The following SOAT1 variants were observed in gnomAD, a reference collection of about 807,000 sequenced individuals.
SOAT1 encodes acyl-coenzyme A:cholesterol acyltransferase 1.
SOAT1 carries 55 observed loss-of-function variants against 69.5 expected under a neutral mutation model. The ratio of observed to expected loss-of-function variants is 0.79; its 90% CI spans 0.64 to 0.99. The LOEUF is 0.99. Ranked by LOEUF, SOAT1 falls within the 50% of genes least tolerant of loss-of-function variation. The pLI is 0.00. For synonymous variants in SOAT1, 231 were observed against 224.7 expected (o/e 1.03, Z -0.25); for missense variants, 580 against 669.3 (o/e 0.87, Z 1.47).
At chr1:179,314,896 CA>C (rs1558041777) in intron 2 of SOAT1, among the ~76,000 whole-genome samples, 1 of 152,044 alleles carries the variant, frequency 6.6e-6, no homozygotes, top group Non-Finnish European at 1.5e-5. Context: ...ATAAGTATTG[CA>C]AGCCTGATTT....
Position 179,356,879 on chromosome 1 carries a change from G to C in SOAT1, c.*3238G>C, listed in dbSNP as rs1404719703. ...GTTTTTTTTTTTTTAGAGATGGGGG[G>C]GGTCTCCCTATGTTGCCCAGGCTGG... is the stretch of plus-strand genomic sequence containing the variant. On this transcript the variant is annotated 3_prime_UTR_variant, in exon 16 of 16. Coordinates refer to ENST00000367619, the MANE Select transcript of SOAT1 (RefSeq NM_003101.6). 4 of 151,234 alleles carry C rather than the reference G, an allele frequency of 2.6e-5. No homozygotes were observed. 9.4% of individuals were successfully genotyped at this position (151,234 alleles called of 1,614,324 possible). A position where few individuals can be genotyped will look rare whatever the true frequency, so the allele number is the denominator to read the frequency against.
intron 2 of SOAT1, 81 bp downstream of exon 2, chr1:179,302,883 C>A: frequency 1.4e-6 from 1 of 689,678 alleles, no homozygotes; most frequent in Non-Finnish European, 2.4e-6. Context: ...ATTGCCATCT[C>A]TTTAATTCTT....
chr1:179,349,016 G>A, intron 13 of SOAT1, 74 bp downstream of exon 13: 1 of 809,682 alleles, frequency 1.2e-6, no homozygotes, highest in Non-Finnish European at 2.1e-6. Context: ...GTATTATACA[G>A]CTGGAAGAAG....
At chr1:179,345,752 G>A (rs963542603) in intron 11 of SOAT1, among the ~76,000 whole-genome samples, 1 of 151,988 alleles carries the variant, frequency 6.6e-6, no homozygotes, top group Non-Finnish European at 1.5e-5. Flanking sequence ...GTCTCCCTAT[G>A]TTGCCCAGGC....
chr1:179,322,449 C>G (rs2124963871), intron 2 of SOAT1, among the ~76,000 whole-genome samples: 1 of 151,986 alleles, frequency 6.6e-6, no homozygotes, highest in South Asian at 2.1e-4. Flanking sequence ...GTGGCGCAAT[C>G]TCGGCTCACT....
chr1:179,333,631 C>T (rs891395864), intron 3 of SOAT1, among the ~76,000 whole-genome samples: 3 of 151,904 alleles, frequency 2.0e-5, no homozygotes, highest in Admixed American at 2.0e-4. Flanking sequence ...ACCTGAGGTT[C>T]GAGACCAGCC....
rs1210531208 is a variant in SOAT1, at chr1:179,356,335, T to A, written c.*2694T>A. ...GTGTGAGGATAAATTTGTTAGATCC[T>A]TTTATTCTCAATCTTGGATAATGAT... is the stretch of plus-strand genomic sequence containing the variant. On this transcript the variant is annotated 3_prime_UTR_variant, in exon 16 of 16. Transcript: ENST00000367619. 6.6e-6 allele frequency: 1 copy of A among 152,154 alleles called. No homozygotes were observed. The highest frequency in any genetic ancestry group is 1.5e-5 in the Non-Finnish European group (1 of 68,032). The allele number at this position is 152,154 out of a possible 1,614,324, so 9.4% of individuals were successfully genotyped here. A position where few individuals can be genotyped will look rare whatever the true frequency, so the allele number is the denominator to read the frequency against.
Position 179,353,464 on chromosome 1 carries a change from T to C in SOAT1, c.1597-121T>C, listed in dbSNP as rs1289798201. The C allele has an allele frequency of 3.0e-5, 25 of 843,630 alleles. No individual in the cohort carries two copies. In the East Asian group the frequency reaches 6.2e-4, roughly 21 times the overall value. The allele number at this position is 843,630 out of a possible 1,614,324, so 52.3% of individuals were successfully genotyped here. A position where few individuals can be genotyped will look rare whatever the true frequency, so the allele number is the denominator to read the frequency against. On this transcript the variant is annotated intron_variant, in intron 15 of 15. Coordinates refer to ENST00000367619, the MANE Select transcript of SOAT1 (RefSeq NM_003101.6). Reference sequence around the variant, plus strand: ...GAGCTGCTTATACCTTGAGGGTTGTTGAAATGGTGGGAGGCATTTTAGAGA... The same window carrying C: ...GAGCTGCTTATACCTTGAGGGTTGTCGAAATGGTGGGAGGCATTTTAGAGA...
intron 3 of SOAT1, among the ~76,000 whole-genome samples, chr1:179,326,784 C>G (rs1001882803): frequency 6.6e-6 from 1 of 151,912 alleles, no homozygotes; most frequent in African/African-American, 2.4e-5. Context: ...TCTTGGAACT[C>G]CTGGCCTCAA....
chr1:179,348,214 C>T (rs556239719), intron 12 of SOAT1, among the ~76,000 whole-genome samples: 2 of 152,324 alleles, frequency 1.3e-5, no homozygotes, highest in East Asian at 3.9e-4. Context: ...TCATAGCATT[C>T]TTTAACCCTA....
chr1:179,343,598 C>T lies in SOAT1; in HGVS notation c.950C>T (p.Thr317Ile). The change falls in exon 10 of 16, where the codon ACT (threonine) becomes ATT (isoleucine). Residue 317 changes from threonine to isoleucine, a missense_variant. Transcript: ENST00000367619. ...IYRDSYPRNPTVRWGYVAMKF... is the reference protein window; with the variant it reads ...IYRDSYPRNPIVRWGYVAMKF... Reference sequence around the variant, plus strand: ...GTTTCTTTCTTTTTCAGGAATCCCACTGTAAGATGGGGTTATGTCGCTATG... The same window carrying T: ...GTTTCTTTCTTTTTCAGGAATCCCATTGTAAGATGGGGTTATGTCGCTATG... 6.2e-7 allele frequency: 1 copy of T among 1,610,710 alleles called. No individual in the cohort carries two copies. Among genetic ancestry groups the T allele is most frequent in the Non-Finnish European group, 8.5e-7 (1 of 1,178,006 alleles).
intron 2 of SOAT1, 81 bp from the exon 3 acceptor site, chr1:179,323,356 G>T (rs1242632221): frequency 7.5e-5 from 89 of 1,193,200 alleles, no homozygotes; most frequent in Non-Finnish European, 9.9e-5. Context: ...GTATTTGTTT[G>T]TTTTCAACTT....
chr1:179,304,711 C>T (rs1399023035), intron 2 of SOAT1, among the ~76,000 whole-genome samples: 1 of 152,028 alleles, frequency 6.6e-6, no homozygotes, highest in Admixed American at 6.6e-5. Flanking sequence ...TGGAGTGGTG[C>T]AATCTTGGCT....
intron 2 of SOAT1, among the ~76,000 whole-genome samples, chr1:179,319,712 G>C (rs538905718): frequency 1.6e-4 from 24 of 152,120 alleles, no homozygotes; most frequent in Non-Finnish European, 3.4e-4. Flanking sequence ...TGCTTCATAG[G>C]TTCAAGCGAT....
Position 179,302,804 on chromosome 1 carries a change from T to C in SOAT1, c.118+2T>C. On this transcript the variant is annotated splice_donor_variant, in intron 2 of 15. Transcript: ENST00000367619. LOFTEE classifies it high-confidence loss of function. ...AGTCCCTAGAGACACCTAGTAATGG[T>C]GAGGCTTAATTTTTTTTTTTTAGGT... is the stretch of plus-strand genomic sequence containing the variant. 2 of 1,545,206 alleles carry C rather than the reference T, an allele frequency of 1.3e-6. No homozygotes were observed.
intron 3 of SOAT1, among the ~76,000 whole-genome samples, chr1:179,331,386 A>T (rs1451479334): frequency 6.6e-6 from 1 of 152,198 alleles, no homozygotes; most frequent in African/African-American, 2.4e-5. Context: ...ATGCTAACTG[A>T]GAACACTATA....
intron 4 of SOAT1, among the ~76,000 whole-genome samples, chr1:179,335,864 CTT>C (rs757327858): frequency 6.6e-6 from 1 of 152,108 alleles, no homozygotes; most frequent in Non-Finnish European, 1.5e-5. Flanking sequence ...ATGCATACCT[CTT>C]TTAACACTAA....
rs1305460849 is a variant in SOAT1 at position 179,351,363 on chromosome 1, GA to G, written c.1499del (p.Asn500MetfsTer3). The G allele has an allele frequency of 4.3e-6, 7 of 1,613,960 alleles. No individual in the cohort carries two copies. In the African/African-American group the frequency reaches 5.3e-5, roughly 12 times the overall value. Reference protein sequence around the residue: ...VNDSRKKPIWNVLMWTSLFLG... With the variant: ...VNDSRKKPIWXVLMWTSLFLG... ...ATGATAGTCGGAAAAAGCCGATTTG[GA>G]ATGTTCTGATGTGGACTTCTCTTTT... On this transcript the variant is annotated frameshift_variant, in exon 15 of 16. Coordinates refer to ENST00000367619, the MANE Select transcript of SOAT1 (RefSeq NM_003101.6). LOFTEE classifies it high-confidence loss of function.
intron 14 of SOAT1, among the ~76,000 whole-genome samples, chr1:179,351,036 T>C (rs899717192): frequency 0.13 from 15,631 of 116,100 alleles, 1,671 homozygotes; most frequent in Non-Finnish European, 0.17. Context: ...TTTTTTTTTT[T>C]TTTTTTTTTT....
Sources: allele counts gnomAD v4.1 joint callset (sites outside exome capture counted in the v4.1 genomes callset), GRCh38; gene constraint gnomAD v4.1.1; transcripts MANE v1.5; gene names NCBI Gene and HGNC (gene_info 2026-07-23, HGNC 2026-07-21).